IGSF5: variants seen among roughly 807,000 people sequenced by gnomAD.
IGSF5 encodes immunoglobulin superfamily member 5.
IGSF5 carries 41 observed loss-of-function variants against 39.4 expected under a neutral mutation model. The ratio of observed to expected loss-of-function variants is 1.04; its 90% CI spans 0.81 to 1.35. The LOEUF is 1.35. IGSF5 is among the 40% of genes most tolerant of loss of function. The probability of loss-of-function intolerance (pLI) is 0.00; values close to 1 mark genes in which losing one functional copy is unlikely to be tolerated. For synonymous variants in IGSF5, 183 were observed against 175.3 expected, an observed-to-expected ratio of 1.04 and a Z score of -0.34; for missense variants, 487 against 494.6, an observed-to-expected ratio of 0.98 and a Z score of 0.15.
chr21:39,788,619 T>C (rs779163620), intron 6 of IGSF5, among the ~76,000 whole-genome samples: 2 of 152,194 alleles, frequency 1.3e-5, no homozygotes, highest in Non-Finnish European at 2.9e-5. Flanking sequence ...CGTGAAACTG[T>C]CCAGGCAGAC....
At chr21:39,789,149 G>A (rs771638658) in intron 6 of IGSF5, among the ~76,000 whole-genome samples, 59 of 150,822 alleles carry the variant, frequency 3.9e-4, no homozygotes, top group Non-Finnish European at 6.5e-4. Context: ...TACTACCAGC[G>A]GAATGGAAGC....
At chr21:39,788,988 C>G (rs2086943305) in intron 6 of IGSF5, among the ~76,000 whole-genome samples, 2 of 152,176 alleles carry the variant, frequency 1.3e-5, no homozygotes, top group African/African-American at 4.8e-5. Flanking sequence ...GTTATCCCTT[C>G]TCCCTCTGAC....
chr21:39,723,680 T>G, the IGSF5 span, among the ~76,000 whole-genome samples: 1 of 152,216 alleles, frequency 6.6e-6, no homozygotes, highest in South Asian at 2.1e-4. Context: ...AAAGGTAGAA[T>G]GTATTCCCTA....
the IGSF5 span, among the ~76,000 whole-genome samples, chr21:39,719,726 T>G: frequency 6.6e-6 from 1 of 152,178 alleles, no homozygotes. Flanking sequence ...CCCTAAAATA[T>G]TTTCCTACAG....
At chr21:39,788,141 CA>C in intron 5 of IGSF5, 25 bp from the exon 6 acceptor site, 1 of 1,564,346 alleles carries the variant, frequency 6.4e-7, no homozygotes, top group South Asian at 1.2e-5. Flanking sequence ...CCGATTTTTC[CA>C]ATGTAATTTT....
intron 4 of IGSF5, among the ~76,000 whole-genome samples, chr21:39,776,981 T>G (rs546778455): frequency 1.2e-4 from 18 of 152,298 alleles, no homozygotes; most frequent in African/African-American, 4.3e-4. Context: ...GCACTGTAGC[T>G]TACAGCATTC....
intron 2 of IGSF5, among the ~76,000 whole-genome samples, chr21:39,761,032 A>G (rs941365030): frequency 6.6e-6 from 1 of 152,250 alleles, no homozygotes; most frequent in African/African-American, 2.4e-5. Context: ...TAATCAAAAC[A>G]GCATGACACT....
At chr21:39,728,390 A>T in the IGSF5 span, among the ~76,000 whole-genome samples, 1 of 152,166 alleles carries the variant, frequency 6.6e-6, no homozygotes, top group African/African-American at 2.4e-5. Flanking sequence ...TGCAGCTTCA[A>T]GCCAAGGAGC....
the IGSF5 span, among the ~76,000 whole-genome samples, chr21:39,737,518 C>CA: frequency 6.6e-6 from 1 of 152,214 alleles, no homozygotes; most frequent in Non-Finnish European, 1.5e-5. Context: ...GGAGTTCCCA[C>CA]AATCCCTTCT....
the IGSF5 span, among the ~76,000 whole-genome samples, chr21:39,712,996 G>A: frequency 6.6e-6 from 1 of 152,166 alleles, no homozygotes; most frequent in Non-Finnish European, 1.5e-5. Flanking sequence ...CCCTCATTAC[G>A]TCTTTCAGGG....
the IGSF5 span, among the ~76,000 whole-genome samples, chr21:39,719,202 A>C: frequency 6.6e-6 from 1 of 152,042 alleles, no homozygotes; most frequent in Non-Finnish European, 1.5e-5. Context: ...AGCTCTTGCT[A>C]TGTTGCCCAG....
At chr21:39,774,606 T>G (rs1031320463) in intron 4 of IGSF5, among the ~76,000 whole-genome samples, 1 of 152,214 alleles carries the variant, frequency 6.6e-6, no homozygotes, top group Non-Finnish European at 1.5e-5. Context: ...ACCTCGAGCA[T>G]TGCAGACGTA....
the IGSF5 span, among the ~76,000 whole-genome samples, chr21:39,735,529 TAAATTCCTCATATACCTAAATTTTTG>T: frequency 8.5e-5 from 13 of 152,356 alleles, no homozygotes; most frequent in Admixed American, 7.8e-4. Context: ...ATCATATGCC[TAAATTCCTCATATACCTAAATTTTTG>T]AAATTCCTCA....
intron 4 of IGSF5, among the ~76,000 whole-genome samples, chr21:39,774,405 C>G (rs1183233967): frequency 6.6e-6 from 1 of 152,186 alleles, no homozygotes; most frequent in African/African-American, 2.4e-5. Flanking sequence ...ATGATCCCTG[C>G]AAGTCGTTGA....
At chr21:39,749,048 AT>A (rs11310571) in intron 2 of IGSF5, among the ~76,000 whole-genome samples, 14,878 of 152,172 alleles carry the variant, frequency 0.098, 2,364 homozygotes, top group African/African-American at 0.34. Flanking sequence ...GAGAAAAAAA[AT>A]GTTTATGCCT....
At chr21:39,774,263 G>A (rs1322997902) in intron 4 of IGSF5, among the ~76,000 whole-genome samples, 1 of 152,232 alleles carries the variant, frequency 6.6e-6, no homozygotes, top group East Asian at 1.9e-4. Flanking sequence ...AGGCTGTAAG[G>A]AGAACAGCCA....
upstream of IGSF5, among the ~76,000 whole-genome samples, chr21:39,744,024 T>C (rs1490145313): frequency 3.9e-5 from 6 of 152,204 alleles, no homozygotes; most frequent in South Asian, 2.1e-4. Context: ...CATTTTCTGA[T>C]GAGCATTAGT....
chr21:39,740,281 T>TATTTCCCTTTCCTTTCC (rs1330658557), upstream of IGSF5, among the ~76,000 whole-genome samples: 3 of 152,206 alleles, frequency 2.0e-5, no homozygotes, highest in African/African-American at 7.2e-5. Flanking sequence ...GGTTCCTTTC[T>TATTTCCCTTTCCTTTCC]ATTTCCCTTT....
upstream of IGSF5, among the ~76,000 whole-genome samples, chr21:39,741,554 G>A (rs1437702048): frequency 6.6e-6 from 1 of 152,292 alleles, no homozygotes; most frequent in Middle Eastern, 3.4e-3. Context: ...TTTCTGAACG[G>A]GCAGCTAAAA....
Sources: gnomAD v4.1 joint callset for allele counts (sites outside exome capture counted in the v4.1 genomes callset) on GRCh38, gnomAD v4.1.1 for gene constraint, MANE v1.5 for transcripts, NCBI Gene and HGNC (gene_info 2026-07-23, HGNC 2026-07-21) for gene names.